PLB1: variants seen among roughly 807,000 people sequenced by gnomAD.
The protein encoded by PLB1 is phospholipase B1.
In PLB1, 242 loss-of-function variants were observed where a neutral mutation model predicts 227.4. The ratio of observed to expected loss-of-function variants is 1.06; its 90% confidence interval spans 0.96 to 1.18. The LOEUF (loss-of-function observed/expected upper bound fraction) is 1.18, where lower values mean the gene tolerates loss of function less well. Among genes scored for constraint, PLB1 ranks in the 50% most tolerant of loss-of-function variants. The pLI is 0.00. For synonymous variants in PLB1, 757 were observed against 682.2 expected (o/e 1.11, Z -1.71); for missense variants, 1,858 against 1,816.3 (o/e 1.02, Z -0.42).
intron 43 of PLB1, among the ~76,000 whole-genome samples, chr2:28,609,556 G>A (rs1685147641): frequency 6.6e-6 from 1 of 152,194 alleles, no homozygotes; most frequent in East Asian, 1.9e-4. Flanking sequence ...CAGTGCTTCT[G>A]TATTGAATTA....
chr2:28,548,674 CAA>C, intron 14 of PLB1, 184 bp from the exon 15 acceptor site: 1 of 654,610 alleles, frequency 1.5e-6, no homozygotes, highest in Non-Finnish European at 2.8e-6. Flanking sequence ...GAGCTGCTTA[CAA>C]CACAGACTGC....
chr2:28,630,537 G>A (rs1381702365), intron 53 of PLB1, 49 bp from the exon 54 acceptor site: 3 of 1,541,842 alleles, frequency 1.9e-6, no homozygotes, highest in Non-Finnish European at 2.7e-6. Context: ...CAGGAGGACA[G>A]AGCCACAGTG....
intron 56 of PLB1, among the ~76,000 whole-genome samples, chr2:28,640,033 G>A (rs1295129094): frequency 6.6e-6 from 1 of 152,156 alleles, no homozygotes; most frequent in Non-Finnish European, 1.5e-5. Flanking sequence ...TCCTCCAATT[G>A]TGTTACTAAG....
At chr2:28,641,973 T>C (rs1690023524) in intron 57 of PLB1, among the ~76,000 whole-genome samples, 1 of 152,034 alleles carries the variant, frequency 6.6e-6, no homozygotes, top group African/African-American at 2.4e-5. Flanking sequence ...GGTGGATCCA[T>C]CTCCCAGGAA....
chr2:28,504,802 G>A (rs1667474113), intron 1 of PLB1, among the ~76,000 whole-genome samples: 1 of 152,134 alleles, frequency 6.6e-6, no homozygotes, highest in African/African-American at 2.4e-5. Flanking sequence ...CAATTTTGAT[G>A]ATTTTAGTAT....
At chr2:28,584,713 C>T (rs2148274980) in intron 25 of PLB1, among the ~76,000 whole-genome samples, 1 of 152,248 alleles carries the variant, frequency 6.6e-6, no homozygotes, top group Non-Finnish European at 1.5e-5. Context: ...GGTGGCTGTG[C>T]TTTCCTCTGC....
chr2:28,633,146 A>G, intron 56 of PLB1, 107 bp downstream of exon 56: 2 of 937,536 alleles, frequency 2.1e-6, no homozygotes, highest in South Asian at 3.0e-5. Flanking sequence ...TTTCTCCCCA[A>G]AGCCCAAAGT....
At chr2:28,605,159 G>A (rs939814383) in intron 41 of PLB1, among the ~76,000 whole-genome samples, 1 of 152,198 alleles carries the variant, frequency 6.6e-6, no homozygotes, top group Admixed American at 6.5e-5. Flanking sequence ...TTTCTGCCAC[G>A]CACGTGGTCT....
chr2:28,515,360 C>T (rs1338368640), intron 1 of PLB1, among the ~76,000 whole-genome samples: 2 of 152,154 alleles, frequency 1.3e-5, no homozygotes, highest in Non-Finnish European at 2.9e-5. Flanking sequence ...TCCCCCCTGC[C>T]CACCACTTCC....
chr2:28,617,603 G>A, intron 44 of PLB1, 124 bp from the exon 45 acceptor site: 2 of 895,332 alleles, frequency 2.2e-6, no homozygotes, highest in South Asian at 1.4e-5. Context: ...TCCCTCACAT[G>A]ATCCTGTATG....
chr2:28,518,723 A>G (rs911464293), intron 3 of PLB1, among the ~76,000 whole-genome samples, 191 bp downstream of exon 3: 3 of 152,156 alleles, frequency 2.0e-5, no homozygotes, highest in Admixed American at 2.0e-4. Context: ...TGCTTGGATG[A>G]GGGTAATCTC....
At chr2:28,529,591 G>T (rs1670736215) in intron 7 of PLB1, 137 bp from the exon 8 acceptor site, 2 of 1,005,930 alleles carry the variant, frequency 2.0e-6, no homozygotes. Context: ...TGAAAAACAG[G>T]TCAATGCCCA....
intron 57 of PLB1, among the ~76,000 whole-genome samples, chr2:28,641,797 C>G (rs1453740158): frequency 6.6e-6 from 1 of 152,136 alleles, no homozygotes; most frequent in East Asian, 1.9e-4. Flanking sequence ...TCTCCTCTCC[C>G]TCTTCTCCAT....
At chr2:28,560,577 C>T (rs1675899184) in intron 17 of PLB1, among the ~76,000 whole-genome samples, 1 of 152,014 alleles carries the variant, frequency 6.6e-6, no homozygotes, top group African/African-American at 2.4e-5. Context: ...GCCCAGGAGG[C>T]CGAGGCTGCA....
chr2:28,616,270 G>T (rs1686190939), intron 44 of PLB1, among the ~76,000 whole-genome samples: 1 of 151,968 alleles, frequency 6.6e-6, no homozygotes, highest in South Asian at 2.1e-4. Flanking sequence ...TTGAAGTGAG[G>T]GATAGGCTAA....
intron 1 of PLB1, among the ~76,000 whole-genome samples, chr2:28,501,755 TTTTAC>T (rs1667127471): frequency 6.6e-6 from 1 of 152,086 alleles, no homozygotes; most frequent in African/African-American, 2.4e-5. Flanking sequence ...ATTTTGATTT[TTTTAC>T]TTAATTATAT....
chr2:28,596,419 CT>C (rs1264436764), intron 33 of PLB1, among the ~76,000 whole-genome samples: 6 of 152,114 alleles, frequency 3.9e-5, no homozygotes, highest in African/African-American at 1.4e-4. Context: ...GCCTGTTGGT[CT>C]TGATTAGCCA....
At position 28,598,705 on chromosome 2, in the gene PLB1, GATGCCAATGACACGA is replaced by G. The variant is rs763420172; in HGVS notation, c.2424_2438del (p.Asn809_Ala813del). ...CACAGGCTACGCCGTGGGCACGGGT[GATGCCAATGACACGA>G]ATGCATTCCTCAATCAAGCTGTTCC... On this transcript the variant is annotated inframe_deletion, in exon 35 of 58. Coordinates refer to ENST00000327757, the MANE Select transcript of PLB1 (RefSeq NM_153021.5). 2 of 1,614,242 alleles carry G rather than the reference GATGCCAATGACACGA, an allele frequency of 1.2e-6. No homozygotes were observed. The highest frequency in any genetic ancestry group is 1.7e-6 in the Non-Finnish European group (2 of 1,180,026).
In PLB1 at chr2:28,604,027, G is replaced by A; in HGVS notation, c.2836G>A (p.Ala946Thr). The A allele has an allele frequency of 1.2e-6, 2 of 1,614,146 alleles. No individual in the cohort carries two copies. Among genetic ancestry groups the A allele is most frequent in the Non-Finnish European group, 1.7e-6 (2 of 1,179,954 alleles). ...CTCCCAAGAGCTAGCCAGGCTGGAG[G>A]CCTTCAGCCGAGCCTACCGGGTAAG... ...ENSQELARLE[A>T]FSRAYRSSMR... Residue 946 changes from alanine (A) to threonine (T), a missense_variant, in exon 40 of 58, where the codon GCC (alanine) becomes ACC (threonine). Coordinates refer to ENST00000327757, the MANE Select transcript of PLB1 (RefSeq NM_153021.5).
Sources: gnomAD v4.1 joint callset for allele counts (sites outside exome capture counted in the v4.1 genomes callset) on GRCh38, gnomAD v4.1.1 for gene constraint, MANE v1.5 for transcripts, NCBI Gene and HGNC (gene_info 2026-07-23, HGNC 2026-07-21) for gene names.